AGMO: variants seen among roughly 807,000 people sequenced by gnomAD.
The protein encoded by AGMO is alkylglycerol monooxygenase.
AGMO carries 75 observed loss-of-function variants against 60.2 expected under a neutral mutation model. That is an observed-to-expected ratio of 1.25 (90% confidence interval 1.03 to 1.51). The LOEUF (loss-of-function observed/expected upper bound fraction) is 1.51, where lower values mean the gene tolerates loss of function less well. Ranked by LOEUF, AGMO falls within the 40% of genes most tolerant of loss-of-function variation. The probability of loss-of-function intolerance (pLI) is 0.00; values close to 1 mark genes in which losing one functional copy is unlikely to be tolerated. For missense variants in AGMO, 763 were observed against 525.5 expected (o/e 1.45, Z -4.42); for synonymous variants, 261 against 177.1 (o/e 1.47, Z -3.76).
At chr7:15,370,555 T>C (rs1038637048) in intron 10 of AGMO, among the ~76,000 whole-genome samples, 8 of 152,198 alleles carry the variant, frequency 5.3e-5, no homozygotes, top group Admixed American at 3.3e-4. Context: ...CCAGCATCTA[T>C]TGTTTTGATT....
intron 3 of AGMO, among the ~76,000 whole-genome samples, chr7:15,530,457 CTA>C (rs1243265437): frequency 3.8e-5 from 4 of 106,488 alleles, no homozygotes; most frequent in African/African-American, 3.7e-5. Context: ...ATACGTATTT[CTA>C]TATATATATT....
rs545269472 is a variant in AGMO at position 15,362,000 on chromosome 7, G to C, written c.1263+3514C>G. 2.6e-5 allele frequency among the ~76,000 whole-genome samples: 4 copies of C among 152,250 alleles called. No homozygotes were observed. The East Asian group carries it at 7.7e-4, about 29-fold the overall frequency. Reference sequence around the variant, plus strand: ...TATTGCTTCACTGACATTGATTCTAGTGATAGCTTCAAAGAAAAATGAAGA... The same window carrying C: ...TATTGCTTCACTGACATTGATTCTACTGATAGCTTCAAAGAAAAATGAAGA... On this transcript the variant is annotated intron_variant, in intron 12 of 12. Coordinates refer to ENST00000342526, the MANE Select transcript of AGMO (RefSeq NM_001004320.2).
chr7:15,263,406 C>T (rs1267094509), intron 12 of AGMO, among the ~76,000 whole-genome samples: 1 of 43,868 alleles, frequency 2.3e-5, no homozygotes, highest in Non-Finnish European at 3.8e-5. Context: ...CAAGAATGGG[C>T]ATAATAAAAA....
intron 3 of AGMO, among the ~76,000 whole-genome samples, chr7:15,477,491 C>T (rs992815539): frequency 3.3e-5 from 5 of 152,026 alleles, no homozygotes; most frequent in Non-Finnish European, 7.4e-5. Context: ...CAAGGAAATG[C>T]GAACAGATTG....
chr7:15,148,123 A>G, the AGMO span, among the ~76,000 whole-genome samples: 578 of 151,844 alleles, frequency 3.8e-3, 5 homozygotes, highest in African/African-American at 0.013. Context: ...AACATTTTCC[A>G]TATTTGTTTT....
At chr7:15,540,644 G>C (rs986860016) in intron 3 of AGMO, among the ~76,000 whole-genome samples, 8 of 152,132 alleles carry the variant, frequency 5.3e-5, no homozygotes, top group Admixed American at 3.9e-4. Context: ...TTAATAACTG[G>C]CATGCTGGCC....
At chr7:15,287,531 T>C (rs1282039338) in intron 12 of AGMO, among the ~76,000 whole-genome samples, 5 of 152,192 alleles carry the variant, frequency 3.3e-5, no homozygotes, top group Non-Finnish European at 7.3e-5. Context: ...ATTTAACCTA[T>C]CTTGCTAAGA....
chr7:15,244,390 T>C (rs1350572742), intron 12 of AGMO, among the ~76,000 whole-genome samples: 1 of 152,150 alleles, frequency 6.6e-6, no homozygotes, highest in Admixed American at 6.5e-5. Flanking sequence ...ATAGACTGTA[T>C]ATCTTTTTTA....
At chr7:15,229,935 C>T (rs559994075) in intron 12 of AGMO, among the ~76,000 whole-genome samples, 10 of 151,608 alleles carry the variant, frequency 6.6e-5, no homozygotes, top group African/African-American at 2.4e-4. Flanking sequence ...CTCCGATTGT[C>T]ATCTTGTAAC....
Position 15,332,040 on chromosome 7 carries a change from T to C in AGMO, c.1263+33474A>G, listed in dbSNP as rs183032640. Reference sequence around the variant, plus strand: ...CTTCTACTTACCTTCAATTCTTCTTTCAAAATGGAGACGAGTGAAATCATA... The same window carrying C: ...CTTCTACTTACCTTCAATTCTTCTTCCAAAATGGAGACGAGTGAAATCATA... On this transcript the variant is annotated intron_variant, in intron 12 of 12. Coordinates refer to ENST00000342526, the MANE Select transcript of AGMO (RefSeq NM_001004320.2). 3.3e-5 allele frequency among the ~76,000 whole-genome samples: 5 copies of C among 152,204 alleles called. No individual in the cohort carries two copies. The East Asian group carries it at 7.7e-4, about 24-fold the overall frequency.
chr7:15,544,711 T>C lies in AGMO; in HGVS notation c.409+61A>G, dbSNP rs1784725627. ...CCATTCAATAAATGTTTACTGAATA[T>C]GTACTATGTACCAAACACAGTTCAA... On this transcript the variant is annotated intron_variant, in intron 3 of 12. Transcript: ENST00000342526. The C allele has an allele frequency of 5.4e-6, 7 of 1,284,424 alleles. No homozygotes were observed. The Admixed American group carries it at 8.3e-5, about 15-fold the overall frequency. 79.6% of individuals were successfully genotyped at this position (1,284,424 alleles called of 1,614,324 possible).
chr7:15,324,993 A>G (rs1781292646), intron 12 of AGMO, among the ~76,000 whole-genome samples: 1 of 152,174 alleles, frequency 6.6e-6, no homozygotes, highest in Admixed American at 6.5e-5. Context: ...AGTAAAATTA[A>G]AAATTAAAAA....
chr7:15,270,635 T>TTTTTTTTTTTTTG (rs1563063233), intron 12 of AGMO, among the ~76,000 whole-genome samples: 2 of 116,298 alleles, frequency 1.7e-5, no homozygotes, highest in African/African-American at 6.8e-5. Flanking sequence ...TTTTTTTTTT[T>TTTTTTTTTTTTTG]TTGCTGTGCA....
chr7:15,265,088 A>G (rs1783393259), intron 12 of AGMO, among the ~76,000 whole-genome samples: 1 of 152,194 alleles, frequency 6.6e-6, no homozygotes, highest in Non-Finnish European at 1.5e-5. Context: ...ACACTATGGA[A>G]TACTATGCAA....
chr7:15,270,587 C>G lies in AGMO; in HGVS notation c.1264-69228G>C, dbSNP rs1041036505. Among the ~76,000 whole-genome samples the G allele has an allele frequency of 1.8e-4, 11 of 60,754 alleles. No homozygotes were observed. The East Asian group carries it at 4.2e-3, about 23-fold the overall frequency. The allele number at this position is 60,754 out of a possible 152,430, so 39.9% of individuals were successfully genotyped here. A position where few individuals can be genotyped will look rare whatever the true frequency, so the allele number is the denominator to read the frequency against. ...ATTTTGTAGATTAAACAAATTTAATCTGTTGATAATTTTTTTTTTTTTTTT... is the reference window on the plus strand; with the variant it reads ...ATTTTGTAGATTAAACAAATTTAATGTGTTGATAATTTTTTTTTTTTTTTT... On this transcript the variant is annotated intron_variant, in intron 12 of 12. Coordinates refer to ENST00000342526, the MANE Select transcript of AGMO (RefSeq NM_001004320.2).
In AGMO at chr7:15,350,458, A is replaced by G. The variant is rs1046749740; in HGVS notation, c.1263+15056T>C. On this transcript the variant is annotated intron_variant, in intron 12 of 12. Transcript: ENST00000342526. Reference sequence around the variant, plus strand: ...TAAATAGCAAAGTTATTAGAGGTAGATAAGAGTTTTAAGCAGTAATTCTCT... The same window carrying G: ...TAAATAGCAAAGTTATTAGAGGTAGGTAAGAGTTTTAAGCAGTAATTCTCT... Among the ~76,000 whole-genome samples the G allele has an allele frequency of 8.5e-5, 13 of 152,288 alleles. No individual in the cohort carries two copies. The East Asian group carries it at 9.7e-4, about 11-fold the overall frequency.
intron 12 of AGMO, among the ~76,000 whole-genome samples, chr7:15,257,267 G>C (rs1583334973): frequency 6.6e-6 from 1 of 152,056 alleles, no homozygotes. Context: ...AACATAGGAA[G>C]ACTATCTCAG....
intron 12 of AGMO, among the ~76,000 whole-genome samples, chr7:15,312,093 G>GA (rs552844541): frequency 6.6e-6 from 1 of 151,872 alleles, no homozygotes; most frequent in Non-Finnish European, 1.5e-5. Context: ...GAGAGAGAAA[G>GA]AAAGAGAAAC....
At chr7:15,435,603 C>T (rs1374831801) in intron 3 of AGMO, among the ~76,000 whole-genome samples, 1 of 152,160 alleles carries the variant, frequency 6.6e-6, no homozygotes, top group East Asian at 1.9e-4. Flanking sequence ...TTTGTATCTT[C>T]TGCATAAAAG....
Sources: gnomAD v4.1 joint callset for allele counts (sites outside exome capture counted in the v4.1 genomes callset) on GRCh38, gnomAD v4.1.1 for gene constraint, MANE v1.5 for transcripts, NCBI Gene and HGNC (gene_info 2026-07-23, HGNC 2026-07-21) for gene names.